The following TCF4 variants were observed in gnomAD, a reference collection of about 807,000 sequenced individuals.
The protein encoded by TCF4 is SL3-3 enhancer factor 2.
Under a neutral mutation model 82.1 loss-of-function variants are expected in TCF4, and 3 were observed. That is an observed-to-expected ratio of 0.04 (90% confidence interval 0.02 to 0.09). TCF4 has a LOEUF of 0.09. Ranked by LOEUF, TCF4 falls within the 10% of genes least tolerant of loss-of-function variation. The probability of loss-of-function intolerance (pLI) is 1.00; values close to 1 mark genes in which losing one functional copy is unlikely to be tolerated. For missense variants in TCF4, 518 were observed against 852.7 expected (o/e 0.61, Z 4.89); for synonymous variants, 276 against 309.6 (o/e 0.89, Z 1.14).
intron 3 of TCF4, among the ~76,000 whole-genome samples, chr18:55,565,836 T>C (rs1321912959): frequency 6.6e-6 from 1 of 151,986 alleles, no homozygotes; most frequent in Non-Finnish European, 1.5e-5. Context: ...GTCACTATCT[T>C]AGGTGAAACA....
At chr18:55,613,266 C>G (rs117282419) in intron 2 of TCF4, among the ~76,000 whole-genome samples, 6 of 152,262 alleles carry the variant, frequency 3.9e-5, no homozygotes, top group African/African-American at 1.2e-4. Flanking sequence ...CTGCCTTCCA[C>G]TTTCCTTGCC....
At chr18:55,242,700 C>T (rs1305677401) in intron 15 of TCF4, among the ~76,000 whole-genome samples, 1 of 151,852 alleles carries the variant, frequency 6.6e-6, no homozygotes, top group East Asian at 1.9e-4. Context: ...ACCTCCGCCT[C>T]CCGGGTTCAA....
chr18:55,538,024 G>GCA lies in TCF4; in HGVS notation c.145+47255_145+47256insTG, dbSNP rs201229643. ...GTCTGGATTTTGCTAGTCTGCGCGCGCGCACACACACACACACACACACAC... is the reference window on the plus strand; with the variant it reads ...GTCTGGATTTTGCTAGTCTGCGCGCGCACGCACACACACACACACACACACAC... On this transcript the variant is annotated intron_variant, in intron 3 of 19. Coordinates refer to ENST00000354452, the MANE Select transcript of TCF4 (RefSeq NM_001083962.2). 5.1e-3 allele frequency among the ~76,000 whole-genome samples: 647 copies of GCA among 125,680 alleles called. 3 individuals carry two copies. The highest frequency in any genetic ancestry group is 0.013 in the African/African-American group (402 of 31,996). The allele number at this position is 125,680 out of a possible 152,430, so 82.5% of individuals were successfully genotyped here. A position where few individuals can be genotyped will look rare whatever the true frequency, so the allele number is the denominator to read the frequency against.
intron 10 of TCF4, among the ~76,000 whole-genome samples, chr18:55,271,068 C>G (rs566268004): frequency 2.0e-5 from 3 of 151,952 alleles, no homozygotes; most frequent in African/African-American, 7.2e-5. Context: ...GTATTTAAAA[C>G]CCAAGCATTT....
chr18:55,248,594 T>C (rs1409349953), intron 15 of TCF4, among the ~76,000 whole-genome samples: 2 of 152,240 alleles, frequency 1.3e-5, no homozygotes, highest in East Asian at 3.8e-4. Context: ...AGAGTTTTCT[T>C]GGATTTCATT....
At chr18:55,388,150 A>G (rs1364909111) in intron 6 of TCF4, among the ~76,000 whole-genome samples, 1 of 152,248 alleles carries the variant, frequency 6.6e-6, no homozygotes. Context: ...CAAGGTTACA[A>G]AATTAAAATC....
Position 55,254,498 on chromosome 18 carries a change from A to T in TCF4, c.1349T>A (p.Met450Lys), listed in dbSNP as rs774283982. ...GAGTCTATAAATTTCATCACTTACC[A>T]TGAGTGAATGTCTGTTGGCTGAAAG... Reference protein sequence around the residue: ...GLLSANRHSLMVGTHREDGVA... With the variant: ...GLLSANRHSLKVGTHREDGVA... The change falls in exon 15 of 20, where the codon ATG becomes AAG. Residue 450 changes from methionine to lysine, a missense_variant and splice_region_variant. Met to Lys is a moderately conservative substitution (Grantham distance 95, BLOSUM62 -1). This residue lies in a region of TCF4 where 144 missense variants were observed against 190.2 expected (regional missense o/e 0.76). Transcript: ENST00000354452. 6.2e-7 allele frequency: 1 copy of T among 1,613,326 alleles called. No individual in the cohort carries two copies. Among genetic ancestry groups the T allele is most frequent in the Non-Finnish European group, 8.5e-7 (1 of 1,179,634 alleles).
chr18:55,479,450 ATC>A (rs776292898), intron 3 of TCF4, among the ~76,000 whole-genome samples: 5 of 152,126 alleles, frequency 3.3e-5, no homozygotes, highest in Admixed American at 6.5e-5. Context: ...ACCAATCCCC[ATC>A]TCTTTCTGCC....
chr18:55,459,114 G>C (rs2095825005), intron 5 of TCF4, among the ~76,000 whole-genome samples: 2 of 152,174 alleles, frequency 1.3e-5, no homozygotes, highest in Non-Finnish European at 2.9e-5. Flanking sequence ...CAATGCAGGA[G>C]ACTGTCTTGG....
At chr18:55,305,016 A>G (rs2069758094) in intron 8 of TCF4, among the ~76,000 whole-genome samples, 1 of 152,198 alleles carries the variant, frequency 6.6e-6, no homozygotes, top group Non-Finnish European at 1.5e-5. Flanking sequence ...CACAATAAAA[A>G]CAATGAGGAA....
At chr18:55,409,487 A>G (rs911562787) in intron 5 of TCF4, among the ~76,000 whole-genome samples, 9 of 152,164 alleles carry the variant, frequency 5.9e-5, no homozygotes, top group Non-Finnish European at 1.3e-4. Context: ...GATCACAGAC[A>G]TGAGACACTG....
At position 55,223,187 on chromosome 18, in the gene TCF4, A is replaced by T. The variant is rs940506217; in HGVS notation, c.*4848T>A. ...TCAGTGTTACACACACATTAATTATATTCCTTCAATTAGTTAATCCTCTAG... is the reference window on the plus strand; with the variant it reads ...TCAGTGTTACACACACATTAATTATTTTCCTTCAATTAGTTAATCCTCTAG... On this transcript the variant is annotated 3_prime_UTR_variant, in exon 20 of 20. Coordinates refer to ENST00000354452, the MANE Select transcript of TCF4 (RefSeq NM_001083962.2). 1 of 152,140 alleles carries T rather than the reference A, an allele frequency of 6.6e-6. No individual in the cohort carries two copies. The highest frequency in any genetic ancestry group is 6.5e-5 in the Admixed American group (1 of 15,276). The allele number at this position is 152,140 out of a possible 1,614,324, so 9.4% of individuals were successfully genotyped here. A position where few individuals can be genotyped will look rare whatever the true frequency, so the allele number is the denominator to read the frequency against.
At chr18:55,443,894 T>C (rs887312164) in intron 5 of TCF4, among the ~76,000 whole-genome samples, 1 of 152,202 alleles carries the variant, frequency 6.6e-6, no homozygotes, top group African/African-American at 2.4e-5. Flanking sequence ...GCATTATACA[T>C]GCATTACCTC....
At chr18:55,487,045 T>C (rs1055251096) in intron 3 of TCF4, among the ~76,000 whole-genome samples, 2 of 152,192 alleles carry the variant, frequency 1.3e-5, no homozygotes, top group Non-Finnish European at 1.5e-5. Flanking sequence ...CCTATTGCTT[T>C]GGGTATAAAC....
At chr18:55,359,979 T>C (rs1303210602) in intron 6 of TCF4, among the ~76,000 whole-genome samples, 1 of 152,198 alleles carries the variant, frequency 6.6e-6, no homozygotes, top group Non-Finnish European at 1.5e-5. Flanking sequence ...TGGTTCATCA[T>C]TCACCCAAAG....
chr18:55,278,815 G>A (rs2061964311), intron 9 of TCF4, among the ~76,000 whole-genome samples: 1 of 24,796 alleles, frequency 4.0e-5, no homozygotes, highest in African/African-American at 4.0e-4. Context: ...TGATTTGCCT[G>A]CCTTGGCCTC....
At chr18:55,295,100 C>T (rs540129078) in intron 8 of TCF4, among the ~76,000 whole-genome samples, 10 of 152,334 alleles carry the variant, frequency 6.6e-5, no homozygotes, top group South Asian at 6.2e-4. Context: ...AAACCTCAAG[C>T]GCACTGACTG....
chr18:55,242,313 G>A (rs2051498552), intron 15 of TCF4, among the ~76,000 whole-genome samples: 1 of 152,160 alleles, frequency 6.6e-6, no homozygotes, highest in Admixed American at 6.5e-5. Context: ...GCCTATACTT[G>A]TCTCCATTTG....
At chr18:55,488,217 A>T (rs2145742283) in intron 3 of TCF4, among the ~76,000 whole-genome samples, 2 of 152,318 alleles carry the variant, frequency 1.3e-5, no homozygotes, top group South Asian at 4.1e-4. Flanking sequence ...TATACAAAAC[A>T]AACAGGGTTT....
Sources: allele counts gnomAD v4.1 joint callset (sites outside exome capture counted in the v4.1 genomes callset), GRCh38; gene constraint gnomAD v4.1.1; regional missense constraint gnomAD v4.1.1; transcripts MANE v1.5; gene names NCBI Gene and HGNC (gene_info 2026-07-23, HGNC 2026-07-21).